Variants in SPOCK2 observed in about 807,000 individuals in gnomAD.
The protein encoded by SPOCK2 is testican-2.
In SPOCK2, 39 loss-of-function variants were observed where a neutral mutation model predicts 60.1. That is an observed-to-expected ratio of 0.65 (90% confidence interval 0.50 to 0.85). The LOEUF is 0.85. SPOCK2 is among the 40% of genes least tolerant of loss of function. The probability of loss-of-function intolerance (pLI) is 0.00; values close to 1 mark genes in which losing one functional copy is unlikely to be tolerated. For missense variants in SPOCK2, 523 were observed against 567.4 expected, an observed-to-expected ratio of 0.92 and a Z score of 0.80; for synonymous variants, 217 against 231.5, an observed-to-expected ratio of 0.94 and a Z score of 0.57.
At chr10:72,075,904 T>C (rs1306039043) in intron 1 of SPOCK2, among the ~76,000 whole-genome samples, 2 of 152,076 alleles carry the variant, frequency 1.3e-5, no homozygotes, top group Non-Finnish European at 2.9e-5. Flanking sequence ...CAGTGCACCT[T>C]GGGCAAGCAC....
intron 1 of SPOCK2, among the ~76,000 whole-genome samples, chr10:72,078,125 A>C (rs1840738277): frequency 1.3e-5 from 2 of 152,234 alleles, no homozygotes; most frequent in South Asian, 4.1e-4. Flanking sequence ...GAGAATTCTG[A>C]CATCTTTCTG....
At chr10:72,067,223 G>A in intron 7 of SPOCK2, 103 bp from the exon 8 acceptor site, 6 of 1,208,684 alleles carry the variant, frequency 5.0e-6, no homozygotes, top group Non-Finnish European at 6.9e-6. Context: ...TCTATTCTGG[G>A]TCTGGGCAGC....
At position 72,060,398 on chromosome 10, in the gene SPOCK2, A is replaced by C. The variant is rs938655837; in HGVS notation, c.*2362T>G. 1 of 152,274 alleles carries C rather than the reference A, an allele frequency of 6.6e-6. No individual in the cohort carries two copies. The highest frequency in any genetic ancestry group is 2.4e-5 in the African/African-American group (1 of 41,432). 9.4% of individuals were successfully genotyped at this position (152,274 alleles called of 1,614,324 possible). A position where few individuals can be genotyped will look rare whatever the true frequency, so the allele number is the denominator to read the frequency against. Reference sequence around the variant, plus strand: ...CAGAAGACCCAGAGACAGAGAGAGCACGTGTCCCAGGAGCGGAGGGTGACA... The same window carrying C: ...CAGAAGACCCAGAGACAGAGAGAGCCCGTGTCCCAGGAGCGGAGGGTGACA... On this transcript the variant is annotated 3_prime_UTR_variant, in exon 11 of 11. Transcript: ENST00000373109.
intron 1 of SPOCK2, among the ~76,000 whole-genome samples, chr10:72,076,344 G>T (rs1030067412): frequency 1.3e-5 from 2 of 152,218 alleles, no homozygotes; most frequent in African/African-American, 2.4e-5. Context: ...TCAGTGCAGT[G>T]TTGGGTGTCT....
rs930702701 is a variant in SPOCK2, at chr10:72,067,768, G to A, written c.590-36C>T. On this transcript the variant is annotated intron_variant, in intron 6 of 10. Transcript: ENST00000373109. Reference sequence around the variant, plus strand: ...GAGAGAAGGCATGGAGGGCGAATGTGCAGTGGAGCAGCAGGCTCGATCTCA... The same window carrying A: ...GAGAGAAGGCATGGAGGGCGAATGTACAGTGGAGCAGCAGGCTCGATCTCA... The A allele has an allele frequency of 8.7e-6, 14 of 1,602,588 alleles. No individual in the cohort carries two copies. The African/African-American group carries it at 9.4e-5, about 11-fold the overall frequency.
intron 6 of SPOCK2, 28 bp downstream of exon 6, chr10:72,068,158 CT>C: frequency 6.3e-7 from 1 of 1,590,512 alleles, no homozygotes; most frequent in African/African-American, 1.3e-5. Context: ...TTCAGCACCC[CT>C]AGCCTGGTGG....
At position 72,088,182 on chromosome 10, in the gene SPOCK2, C is replaced by T; in HGVS notation, c.147G>A (p.Ser49=). 1 of 1,613,122 alleles carries T rather than the reference C, an allele frequency of 6.2e-7. No homozygotes were observed. The highest frequency in any genetic ancestry group is 1.1e-5 in the South Asian group (1 of 91,062). ...MEDEQWLSSI[S]QYSGKIKHWN... The stretch of plus-strand genomic sequence containing the variant: ...AGTGCTTGATCTTGCCGCTGTACTG[C>T]GAGATGGACGACAGCCATTGCTCGT... Residue 49 remains serine, a synonymous_variant, in exon 1 of 11, where the codon TCG becomes TCA. Transcript: ENST00000373109.
In SPOCK2 at chr10:72,087,013, G is replaced by A. The variant is rs1336671103; in HGVS notation, c.189+1127C>T. 5 of 1,551,220 alleles carry A rather than the reference G, an allele frequency of 3.2e-6. No individual in the cohort carries two copies. Among genetic ancestry groups the A allele is most frequent in the Non-Finnish European group, 3.5e-6 (4 of 1,146,832 alleles). The stretch of plus-strand genomic sequence containing the variant: ...GGAACCTGGGGAAGGAGGAGTAAGG[G>A]CCAGGGTCCTAGAAGAGGTTTTCTG... On this transcript the variant is annotated intron_variant, in intron 1 of 10. Coordinates refer to ENST00000373109, the MANE Select transcript of SPOCK2 (RefSeq NM_001244950.2). The surrounding 1 kb of genome is among the most constrained non-coding windows in gnomAD (Gnocchi z 4.7).
In SPOCK2 at chr10:72,088,289, G is replaced by C; in HGVS notation, c.40C>G (p.Leu14Val). 6.2e-7 allele frequency: 1 copy of C among 1,600,354 alleles called. No individual in the cohort carries two copies. The highest frequency in any genetic ancestry group is 1.1e-5 in the South Asian group (1 of 90,116). Residue 14 changes from leucine (L) to valine (V), a missense_variant, in exon 1 of 11, where the codon CTG (leucine) becomes GTG (valine). Coordinates refer to ENST00000373109, the MANE Select transcript of SPOCK2 (RefSeq NM_001244950.2). ...GCCAGGGCTGCCGCGGCCAGGAGCA[G>C]CAGCGGCAGCACCAGCCGCCCGCAG... ...PGCGRLVLPL[L>V]LLAAAALAEG...
At chr10:72,082,020 T>A (rs1840792115) in intron 1 of SPOCK2, among the ~76,000 whole-genome samples, 1 of 152,212 alleles carries the variant, frequency 6.6e-6, no homozygotes, top group Admixed American at 6.5e-5. Flanking sequence ...CAAGGCTGAC[T>A]GTTCCCAGAC....
At chr10:72,072,389 T>A (rs1840659399) in intron 3 of SPOCK2, 114 bp downstream of exon 3, 5 of 1,529,222 alleles carry the variant, frequency 3.3e-6, no homozygotes, top group Non-Finnish European at 4.4e-6. Context: ...AGGAGTCCCA[T>A]CCCCACCGGG....
In SPOCK2 at chr10:72,060,822, G is replaced by A. The variant is rs182935368; in HGVS notation, c.*1938C>T. ...GGGCTCTGCTATTTCCCCCAAGAAG[G>A]ACTCGGAAGATGTTGATTCCAGGGC... On this transcript the variant is annotated 3_prime_UTR_variant, in exon 11 of 11. Coordinates refer to ENST00000373109, the MANE Select transcript of SPOCK2 (RefSeq NM_001244950.2). The A allele has an allele frequency of 2.6e-5, 4 of 152,408 alleles. No homozygotes were observed. The highest frequency in any genetic ancestry group is 2.6e-4 in the Admixed American group (4 of 15,292). The allele number at this position is 152,408 out of a possible 1,614,324, so 9.4% of individuals were successfully genotyped here.
chr10:72,066,782 A>G, intron 8 of SPOCK2, 120 bp downstream of exon 8: 4 of 1,145,966 alleles, frequency 3.5e-6, no homozygotes, highest in Non-Finnish European at 5.0e-6. Context: ...GCAAGCTGGG[A>G]AAGTGCTGGG....
intron 7 of SPOCK2, among the ~76,000 whole-genome samples, 157 bp from the exon 8 acceptor site, chr10:72,067,277 G>C (rs1840583213): frequency 6.6e-6 from 1 of 152,216 alleles, no homozygotes; most frequent in African/African-American, 2.4e-5. Context: ...AACGGCGAAA[G>C]GTCCTTCCTT....
intron 1 of SPOCK2, among the ~76,000 whole-genome samples, chr10:72,076,709 G>A (rs762906285): frequency 3.9e-5 from 6 of 152,204 alleles, no homozygotes; most frequent in Non-Finnish European, 7.3e-5. Context: ...GTGAGCCACT[G>A]CACCCAGCCT....
intron 1 of SPOCK2, chr10:72,086,352 G>A: frequency 1.0e-6 from 1 of 996,684 alleles, no homozygotes; most frequent in Non-Finnish European, 1.2e-6. Context: ...TCTCACCCAC[G>A]GAGCTGGCTA....
intron 1 of SPOCK2, among the ~76,000 whole-genome samples, chr10:72,077,282 G>A (rs1164998238): frequency 1.3e-5 from 2 of 152,086 alleles, no homozygotes; most frequent in East Asian, 3.9e-4. Context: ...CACCATGCCT[G>A]TCTAATTTTT....
rs1840890319 is a variant in SPOCK2 at position 72,088,220 on chromosome 10, TGCCGGGGGTCTC to T, written c.97_108del (p.Glu33_Gly36del). On this transcript the variant is annotated inframe_deletion, in exon 1 of 11. Coordinates refer to ENST00000373109, the MANE Select transcript of SPOCK2 (RefSeq NM_001244950.2). The stretch of plus-strand genomic sequence containing the variant: ...AGCCATTGCTCGTCCTCCATGAAAT[TGCCGGGGGTCTC>T]GCCCTCCTTGAGCCCCTTGGCGTCG... 11 of 1,612,726 alleles carry T rather than the reference TGCCGGGGGTCTC, an allele frequency of 6.8e-6. No individual in the cohort carries two copies. The highest frequency in any genetic ancestry group is 9.3e-6 in the Non-Finnish European group (11 of 1,179,700).
At chr10:72,084,203 G>A (rs1840824838) in intron 1 of SPOCK2, among the ~76,000 whole-genome samples, 1 of 152,210 alleles carries the variant, frequency 6.6e-6, no homozygotes, top group Admixed American at 6.5e-5. Flanking sequence ...CTAGAAATGA[G>A]GACCCATCTG....
Sources: gnomAD v4.1 joint callset for allele counts (sites outside exome capture counted in the v4.1 genomes callset) on GRCh38, gnomAD v4.1.1 for gene constraint, Gnocchi (gnomAD v3.1) non-coding constraint, MANE v1.5 for transcripts, NCBI Gene and HGNC (gene_info 2026-07-23, HGNC 2026-07-21) for gene names.